The following SLC7A1 variants were observed in gnomAD, a reference collection of about 807,000 sequenced individuals.
SLC7A1 encodes the protein solute carrier family 7 member 1, also known as high affinity cationic amino acid transporter 1.
SLC7A1 carries 10 observed loss-of-function variants against 53.9 expected under a neutral mutation model. The observed-to-expected ratio is 0.19, with a 90% CI of 0.11 to 0.31. The LOEUF is 0.31. Among genes scored for constraint, SLC7A1 ranks in the 10% least tolerant of loss-of-function variants. The pLI is 1.00. For missense variants in SLC7A1, 525 were observed against 827.2 expected, an observed-to-expected ratio of 0.63 and a Z score of 4.48; for synonymous variants, 342 against 338.7, an observed-to-expected ratio of 1.01 and a Z score of -0.11.
intron 2 of SLC7A1, among the ~76,000 whole-genome samples, chr13:29,544,325 T>A (rs1324237491): frequency 1.3e-5 from 2 of 152,238 alleles, no homozygotes; most frequent in African/African-American, 4.8e-5. Flanking sequence ...CGCATGTTTT[T>A]GTTGTTATTT....
chr13:29,567,062 C>T (rs1030982686), intron 1 of SLC7A1, among the ~76,000 whole-genome samples: 2 of 152,176 alleles, frequency 1.3e-5, no homozygotes, highest in Non-Finnish European at 2.9e-5. Context: ...GAGAGTTTCA[C>T]GAGGGTGAAA....
chr13:29,520,897 G>GAAAAC, intron 8 of SLC7A1, among the ~76,000 whole-genome samples: 1 of 152,318 alleles, frequency 6.6e-6, no homozygotes, highest in East Asian at 1.9e-4. Context: ...GGTGATTTTA[G>GAAAAC]AAAACCAAAT....
intron 3 of SLC7A1, among the ~76,000 whole-genome samples, chr13:29,534,547 G>A (rs1163600449): frequency 6.6e-6 from 1 of 152,212 alleles, no homozygotes; most frequent in Non-Finnish European, 1.5e-5. Context: ...TGCAGCTGCT[G>A]GAAAGAAAGA....
In SLC7A1 at chr13:29,512,408, A is replaced by G. The variant is rs983908223; in HGVS notation, c.*2072T>C. On this transcript the variant is annotated 3_prime_UTR_variant, in exon 13 of 13. Coordinates refer to ENST00000380752, the MANE Select transcript of SLC7A1 (RefSeq NM_003045.5). ...TTAAAATGTCAAATGTCAACTCTAAATAGTCTATTGGGTGCTGTCTTGCAC... is the reference window on the plus strand; with the variant it reads ...TTAAAATGTCAAATGTCAACTCTAAGTAGTCTATTGGGTGCTGTCTTGCAC... 1 of 152,212 alleles carries G rather than the reference A, an allele frequency of 6.6e-6. No individual in the cohort carries two copies. The highest frequency in any genetic ancestry group is 1.9e-4 in the East Asian group (1 of 5,198). The allele number at this position is 152,212 out of a possible 1,614,324, so 9.4% of individuals were successfully genotyped here.
At chr13:29,530,481 A>G in intron 5 of SLC7A1, 57 bp downstream of exon 5, 1 of 1,489,118 alleles carries the variant, frequency 6.7e-7, no homozygotes, top group African/African-American at 1.4e-5. Flanking sequence ...TATATCCCCC[A>G]TACAATCTAT....
chr13:29,570,915 C>T (rs1381475582), intron 1 of SLC7A1, among the ~76,000 whole-genome samples: 1 of 151,662 alleles, frequency 6.6e-6, no homozygotes, highest in Non-Finnish European at 1.5e-5. Context: ...CCCTTTTCTC[C>T]TTTGCAAGAT....
At chr13:29,546,254 C>T (rs958003307) in intron 2 of SLC7A1, among the ~76,000 whole-genome samples, 5 of 152,212 alleles carry the variant, frequency 3.3e-5, no homozygotes, top group Non-Finnish European at 7.3e-5. Flanking sequence ...TCCCTGCCGG[C>T]ACTGCATTCG....
intron 1 of SLC7A1, among the ~76,000 whole-genome samples, chr13:29,571,967 C>T (rs1285952796): frequency 6.6e-6 from 1 of 152,222 alleles, no homozygotes; most frequent in Non-Finnish European, 1.5e-5. Flanking sequence ...ACCTATCATC[C>T]ACTCTTCTTT....
In SLC7A1 at chr13:29,516,274, C is replaced by T. The variant is rs1459711898; in HGVS notation, c.1678-28G>A. ...GAAGAGACAGGAGGTGGCTTCAATC[C>T]ATGGCAGTGGCGCCGGTTCCAATAG... On this transcript the variant is annotated intron_variant, in intron 11 of 12. Coordinates refer to ENST00000380752, the MANE Select transcript of SLC7A1 (RefSeq NM_003045.5). 14 of 1,449,434 alleles carry T rather than the reference C, an allele frequency of 9.7e-6. No homozygotes were observed. In the East Asian group the frequency reaches 3.0e-4, roughly 31 times the overall value. The allele number at this position is 1,449,434 out of a possible 1,614,324, so 89.8% of individuals were successfully genotyped here.
chr13:29,535,918 C>A lies in SLC7A1; in HGVS notation c.271G>T (p.Val91Phe). The A allele has an allele frequency of 6.2e-7, 1 of 1,614,180 alleles. No homozygotes were observed. The highest frequency in any genetic ancestry group is 8.5e-7 in the Non-Finnish European group (1 of 1,180,040). ...GLCYGEFGAR[V>F]PKTGSAYLYS... Reference sequence around the variant, plus strand: ...AGGTAAGCTGAGCCCGTCTTGGGGACCCGAGCACCAAACTCGCCATAGCAC... The same window carrying A: ...AGGTAAGCTGAGCCCGTCTTGGGGAACCGAGCACCAAACTCGCCATAGCAC... Residue 91 changes from valine to phenylalanine, a missense_variant, in exon 3 of 13, where the codon GTC becomes TTC. This residue lies in a region of SLC7A1 where 354 missense variants were observed against 587.5 expected (regional missense o/e 0.60). Coordinates refer to ENST00000380752, the MANE Select transcript of SLC7A1 (RefSeq NM_003045.5).
chr13:29,589,130 G>A (rs1445442981), intron 1 of SLC7A1, among the ~76,000 whole-genome samples: 1 of 152,188 alleles, frequency 6.6e-6, no homozygotes, highest in Non-Finnish European at 1.5e-5. Context: ...CTCTGAGAGT[G>A]TTAAAGATGC....
rs764119779 is a variant in SLC7A1 at position 29,517,342 on chromosome 13, A to G, written c.1511-32T>C. 52 of 1,583,476 alleles carry G rather than the reference A, an allele frequency of 3.3e-5. 2 individuals are homozygous for G. The Admixed American group carries it at 9.1e-4, about 28-fold the overall frequency. On this transcript the variant is annotated intron_variant, in intron 10 of 12. Coordinates refer to ENST00000380752, the MANE Select transcript of SLC7A1 (RefSeq NM_003045.5). ...GGGAAGGAAAAGACAGCAAGCTGCAACTCAACCATTTCCCAATTTCCCACA... is the reference window on the plus strand; with the variant it reads ...GGGAAGGAAAAGACAGCAAGCTGCAGCTCAACCATTTCCCAATTTCCCACA...
intron 2 of SLC7A1, among the ~76,000 whole-genome samples, chr13:29,536,871 C>T (rs535586120): frequency 1.4e-4 from 22 of 152,298 alleles, no homozygotes; most frequent in African/African-American, 4.6e-4. Context: ...GCCCAATGTG[C>T]TCTGTGGTAT....
At chr13:29,527,554 C>T (rs1446339881) in intron 5 of SLC7A1, among the ~76,000 whole-genome samples, 1 of 152,220 alleles carries the variant, frequency 6.6e-6, no homozygotes, top group African/African-American at 2.4e-5. Flanking sequence ...TGGCAACTCA[C>T]ATGTGAAAGA....
chr13:29,532,534 A>C (rs900137887), intron 4 of SLC7A1, among the ~76,000 whole-genome samples: 1 of 152,236 alleles, frequency 6.6e-6, no homozygotes, highest in East Asian at 1.9e-4. Flanking sequence ...AAAAGCCTGC[A>C]GTGCAGACAA....
At chr13:29,561,329 T>A (rs149608234) in intron 1 of SLC7A1, among the ~76,000 whole-genome samples, 3 of 152,150 alleles carry the variant, frequency 2.0e-5, no homozygotes, top group African/African-American at 7.2e-5. Context: ...TGAGGGGGTA[T>A]CAAGAATGAA....
At chr13:29,571,178 G>A (rs563695575) in intron 1 of SLC7A1, among the ~76,000 whole-genome samples, 52 of 152,240 alleles carry the variant, frequency 3.4e-4, no homozygotes, top group Non-Finnish European at 7.2e-4. Flanking sequence ...ATTGTATTTT[G>A]TAATCACCAA....
intron 2 of SLC7A1, among the ~76,000 whole-genome samples, chr13:29,547,120 A>C (rs1869954482): frequency 6.6e-6 from 1 of 152,180 alleles, no homozygotes; most frequent in South Asian, 2.1e-4. Flanking sequence ...CTGCCTGATA[A>C]TTCTTACTTT....
At chr13:29,580,811 G>C (rs1189781919) in intron 1 of SLC7A1, among the ~76,000 whole-genome samples, 2 of 152,084 alleles carry the variant, frequency 1.3e-5, no homozygotes, top group Non-Finnish European at 2.9e-5. Context: ...CCATACAAAC[G>C]AAATCAGATT....
Sources: gnomAD v4.1 joint callset for allele counts (sites outside exome capture counted in the v4.1 genomes callset) on GRCh38, gnomAD v4.1.1 for gene constraint, gnomAD v4.1.1 regional missense constraint, MANE v1.5 for transcripts, NCBI Gene and HGNC (gene_info 2026-07-23, HGNC 2026-07-21) for gene names.